Variants in MDGA2 observed in about 807,000 individuals in gnomAD.
MDGA2 encodes MAM domain containing glycosylphosphatidylinositol anchor 2.
A neutral mutation model predicts 117.8 loss-of-function variants in MDGA2; 40 were observed. The observed-to-expected ratio is 0.34, with a 90% CI of 0.26 to 0.44. MDGA2 has a LOEUF of 0.44. Among genes scored for constraint, MDGA2 ranks in the 20% least tolerant of loss-of-function variants. MDGA2 has a pLI of 1.00. For missense variants in MDGA2, 1,123 were observed against 1,250.6 expected (o/e 0.90, Z 1.54); for synonymous variants, 452 against 439.0 (o/e 1.03, Z -0.37).
At position 46,931,148 on chromosome 14, in the gene MDGA2, G is replaced by A. The variant is rs1380749366; in HGVS notation, c.2090-10988C>T. On this transcript the variant is annotated intron_variant, in intron 9 of 16. Coordinates refer to ENST00000399232, the MANE Select transcript of MDGA2 (RefSeq NM_001113498.3). ...GAGAATCGCTTGAACCAGGGAGGAGGTGGTTACAGTGAGCCAAGATCGCGC... is the reference window on the plus strand; with the variant it reads ...GAGAATCGCTTGAACCAGGGAGGAGATGGTTACAGTGAGCCAAGATCGCGC... Among the ~76,000 whole-genome samples, 3 of 150,186 alleles carry A rather than the reference G, an allele frequency of 2.0e-5. No individual in the cohort carries two copies. In the East Asian group the frequency reaches 5.9e-4, roughly 30 times the overall value.
At chr14:47,513,843 T>C (rs1194180863) in intron 1 of MDGA2, among the ~76,000 whole-genome samples, 1 of 152,134 alleles carries the variant, frequency 6.6e-6, no homozygotes, top group South Asian at 2.1e-4. Context: ...AACTCACATA[T>C]GAATCAATTC....
Position 47,459,980 on chromosome 14 carries a change from G to C in MDGA2, c.281-158430C>G, listed in dbSNP as rs182545303. Among the ~76,000 whole-genome samples, 167 of 152,252 alleles carry C rather than the reference G, an allele frequency of 1.1e-3. 1 individual carries two copies. Among genetic ancestry groups the C allele is most frequent in the African/African-American group, 3.5e-3 (145 of 41,584 alleles). ...AAACTTAAAGTATAATAATAAAAAAGAGTGGATTTCTCAATATAGTAGTGG... is the reference window on the plus strand; with the variant it reads ...AAACTTAAAGTATAATAATAAAAAACAGTGGATTTCTCAATATAGTAGTGG... On this transcript the variant is annotated intron_variant, in intron 1 of 16. Coordinates refer to ENST00000399232, the MANE Select transcript of MDGA2 (RefSeq NM_001113498.3).
At chr14:46,902,760 A>C (rs902816358) in intron 10 of MDGA2, among the ~76,000 whole-genome samples, 1 of 152,194 alleles carries the variant, frequency 6.6e-6, no homozygotes, top group Non-Finnish European at 1.5e-5. Flanking sequence ...TGTTCAAGGT[A>C]ATGCTATCTA....
At chr14:46,985,735 C>T (rs1188806582) in intron 8 of MDGA2, among the ~76,000 whole-genome samples, 1 of 152,064 alleles carries the variant, frequency 6.6e-6, no homozygotes, top group African/African-American at 2.4e-5. Context: ...ACGGTAACAT[C>T]TACTGATCAT....
chr14:46,873,483 T>C lies in MDGA2; in HGVS notation c.2702A>G (p.Asn901Ser), dbSNP rs529384925. 8 of 1,612,544 alleles carry C rather than the reference T, an allele frequency of 5.0e-6. No homozygotes were observed. The East Asian group carries it at 1.3e-4, about 27-fold the overall frequency. ...AAAGAAGCTGAAACAATATGCAGTG[T>C]TTGTGGGTCCATAAGGGTTTTTGGG... is the stretch of plus-strand genomic sequence containing the variant. ...IAPKNPYGPT[N>S]TAYCFSFFYH... Residue 901 changes from asparagine to serine, a missense_variant, in exon 14 of 17, where the codon AAC becomes AGC. Physicochemically the swap from Asn to Ser is conservative, Grantham distance 46. Transcript: ENST00000399232.
chr14:47,033,644 T>C (rs546599064), intron 8 of MDGA2, among the ~76,000 whole-genome samples: 2 of 152,322 alleles, frequency 1.3e-5, no homozygotes, highest in African/African-American at 4.8e-5. Flanking sequence ...AACTGCTGAA[T>C]GAAACCTGAC....
chr14:47,321,111 A>G (rs577112189), intron 1 of MDGA2, among the ~76,000 whole-genome samples: 1 of 152,306 alleles, frequency 6.6e-6, no homozygotes, highest in East Asian at 1.9e-4. Context: ...AGGCAGACAG[A>G]GTAGATTGTG....
At chr14:47,289,555 T>C (rs969179553) in intron 2 of MDGA2, among the ~76,000 whole-genome samples, 14 of 151,978 alleles carry the variant, frequency 9.2e-5, no homozygotes, top group Admixed American at 7.2e-4. Flanking sequence ...CTTCAAATAA[T>C]AAAAATACAA....
intron 2 of MDGA2, among the ~76,000 whole-genome samples, chr14:47,287,614 T>C (rs934223301): frequency 3.9e-5 from 6 of 152,138 alleles, no homozygotes; most frequent in African/African-American, 7.2e-5. Context: ...TGCTGTACAA[T>C]AGACCCTTTA....
chr14:47,486,495 T>C (rs1276883416), intron 1 of MDGA2, among the ~76,000 whole-genome samples: 1 of 152,118 alleles, frequency 6.6e-6, no homozygotes, highest in Admixed American at 6.5e-5. Flanking sequence ...GCTGAGACTT[T>C]AGGGGACTGT....
chr14:47,178,379 A>G (rs1697787714), intron 3 of MDGA2, among the ~76,000 whole-genome samples: 1 of 152,152 alleles, frequency 6.6e-6, no homozygotes, highest in African/African-American at 2.4e-5. Context: ...TTCCCTATTC[A>G]TAATAGATAT....
intron 2 of MDGA2, among the ~76,000 whole-genome samples, chr14:47,261,550 A>G (rs1887796913): frequency 6.6e-6 from 1 of 152,188 alleles, no homozygotes. Context: ...ACATTACACA[A>G]GTATGAAGAC....
At chr14:47,584,640 T>C (rs1242686862) in intron 1 of MDGA2, among the ~76,000 whole-genome samples, 1 of 151,850 alleles carries the variant, frequency 6.6e-6, no homozygotes, top group Non-Finnish European at 1.5e-5. Flanking sequence ...ATCTCCCCTA[T>C]TGCATAAATC....
At chr14:47,496,052 A>G (rs746545264) in intron 1 of MDGA2, among the ~76,000 whole-genome samples, 94 of 152,100 alleles carry the variant, frequency 6.2e-4, no homozygotes, top group Non-Finnish European at 1.2e-3. Context: ...TACTTAGTAC[A>G]TTTAATAATT....
chr14:47,368,983 A>T (rs1206621353), intron 1 of MDGA2, among the ~76,000 whole-genome samples: 2 of 152,286 alleles, frequency 1.3e-5, no homozygotes, highest in South Asian at 2.1e-4. Flanking sequence ...TAAGCATAAT[A>T]ATATAAAATG....
chr14:47,077,861 T>A (rs1163024585), intron 6 of MDGA2, among the ~76,000 whole-genome samples: 1 of 152,004 alleles, frequency 6.6e-6, no homozygotes, highest in Non-Finnish European at 1.5e-5. Flanking sequence ...ACAAGAGAAG[T>A]ACAACTTCTC....
chr14:47,204,073 T>C (rs2139453571), intron 3 of MDGA2, among the ~76,000 whole-genome samples: 1 of 152,136 alleles, frequency 6.6e-6, no homozygotes, highest in East Asian at 1.9e-4. Flanking sequence ...CAGTGAACAT[T>C]TTGAAAGGAC....
intron 1 of MDGA2, among the ~76,000 whole-genome samples, chr14:47,517,132 C>T (rs1894770188): frequency 6.6e-6 from 1 of 151,972 alleles, no homozygotes; most frequent in Admixed American, 6.6e-5. Flanking sequence ...ACTGAAAATA[C>T]CAGTCAGATA....
At chr14:47,486,331 T>C (rs567486696) in intron 1 of MDGA2, among the ~76,000 whole-genome samples, 33 of 152,218 alleles carry the variant, frequency 2.2e-4, no homozygotes, top group Non-Finnish European at 4.3e-4. Flanking sequence ...ATTTCTCCCA[T>C]TTGGCATCAC....
Sources: allele counts gnomAD v4.1 joint callset (sites outside exome capture counted in the v4.1 genomes callset), GRCh38; gene constraint gnomAD v4.1.1; transcripts MANE v1.5; gene names NCBI Gene and HGNC (gene_info 2026-07-23, HGNC 2026-07-21).